The following LSG1 variants were observed in gnomAD, a reference collection of about 807,000 sequenced individuals.
The protein encoded by LSG1 is large subunit GTPase 1 homolog.
LSG1 carries 55 observed loss-of-function variants against 82.6 expected under a neutral mutation model. The ratio of observed to expected loss-of-function variants is 0.67; its 90% confidence interval spans 0.54 to 0.83. The LOEUF is 0.83. Ranked by LOEUF, LSG1 falls within the 40% of genes least tolerant of loss-of-function variation. The pLI, the probability that LSG1 is intolerant of heterozygous loss-of-function variation, is 0.00. For synonymous variants in LSG1, 272 were observed against 282.5 expected (o/e 0.96, Z 0.37); for missense variants, 809 against 807.9 (o/e 1.00, Z -0.02).
intron 7 of LSG1, among the ~76,000 whole-genome samples, chr3:194,656,793 A>G (rs1718798489): frequency 1.3e-5 from 2 of 152,298 alleles, no homozygotes; most frequent in South Asian, 4.1e-4. Flanking sequence ...TGTGGCACAT[A>G]TACACCATGG....
intron 12 of LSG1, 142 bp from the exon 13 acceptor site, chr3:194,644,888 C>A: frequency 1.9e-6 from 1 of 527,084 alleles, no homozygotes; most frequent in South Asian, 4.6e-5. Context: ...TCTACTGCAG[C>A]TGAAGAGTCC....
chr3:194,660,860 T>C (rs1031472561), intron 5 of LSG1: 3 of 456,256 alleles, frequency 6.6e-6, no homozygotes, highest in Non-Finnish European at 1.3e-5. Context: ...CCCTCACAAA[T>C]ATAGTGGGGA....
chr3:194,645,575 GACACACACACACACACACAC>G (rs57272537), intron 12 of LSG1, among the ~76,000 whole-genome samples: 8 of 20,128 alleles, frequency 4.0e-4, no homozygotes, highest in African/African-American at 6.3e-4. Flanking sequence ...CACACAGACA[GACACACACACACACACACAC>G]ACACACACAC....
intron 8 of LSG1, 72 bp from the exon 9 acceptor site, chr3:194,651,288 A>G: frequency 2.9e-6 from 3 of 1,043,564 alleles, no homozygotes; most frequent in Non-Finnish European, 4.5e-6. Context: ...TATGACATAG[A>G]TGGTGGCAAG....
chr3:194,668,176 T>C (rs768492948), intron 2 of LSG1, among the ~76,000 whole-genome samples: 4 of 151,976 alleles, frequency 2.6e-5, no homozygotes, highest in Non-Finnish European at 4.4e-5. Flanking sequence ...TCTGTAGATT[T>C]GCCTCTTTAG....
Position 194,672,138 on chromosome 3 carries a change from C to T in LSG1, c.25G>A (p.Gly9Ser), listed in dbSNP as rs748869283. 25 of 1,605,328 alleles carry T rather than the reference C, an allele frequency of 1.6e-5. No homozygotes were observed. The East Asian group carries it at 4.7e-4, about 30-fold the overall frequency. Residue 9 changes from glycine (G) to serine (S), a missense_variant, in exon 1 of 14, where the codon GGT becomes AGT. Transcript: ENST00000265245. The part of the protein sequence containing the change: MGRRRAPA[G>S]GSLGRALMRH... Reference sequence around the variant, plus strand: ...ATAAGGGCCCGTCCCAGCGACCCACCGGCCGGGGCTCTCCTCCGGCCCATG... The same window carrying T: ...ATAAGGGCCCGTCCCAGCGACCCACTGGCCGGGGCTCTCCTCCGGCCCATG...
At chr3:194,670,224 G>A in intron 1 of LSG1, 89 bp from the exon 2 acceptor site, 1 of 1,398,630 alleles carries the variant, frequency 7.1e-7, no homozygotes, top group Non-Finnish European at 1.0e-6. Context: ...ACTAGTCTAT[G>A]GTCTTGAGGG....
chr3:194,649,090 T>G (rs1718616682), intron 10 of LSG1: 7 of 283,648 alleles, frequency 2.5e-5, no homozygotes, highest in Non-Finnish European at 4.6e-5. Context: ...CTGAAAAGAT[T>G]ACGCATTTGT....
intron 7 of LSG1, among the ~76,000 whole-genome samples, chr3:194,654,812 C>T (rs73200506): frequency 0.055 from 8,367 of 152,178 alleles, 285 homozygotes; most frequent in Non-Finnish European, 0.08. Context: ...GTCAAGCTTT[C>T]GGGGAACACA....
At chr3:194,658,009 T>C (rs1279905621) in intron 7 of LSG1, among the ~76,000 whole-genome samples, 1 of 152,098 alleles carries the variant, frequency 6.6e-6, no homozygotes, top group Non-Finnish European at 1.5e-5. Flanking sequence ...GTTGTATTCA[T>C]AACCCAGCTC....
At position 194,651,425 on chromosome 3, in the gene LSG1, G is replaced by A. The variant is rs997643746; in HGVS notation, c.1174-209C>T. The A allele has an allele frequency of 1.1e-5, 6 of 568,584 alleles. No homozygotes were observed. The Admixed American group carries it at 1.3e-4, about 12-fold the overall frequency. The allele number at this position is 568,584 out of a possible 1,614,324, so 35.2% of individuals were successfully genotyped here. A position where few individuals can be genotyped will look rare whatever the true frequency, so the allele number is the denominator to read the frequency against. On this transcript the variant is annotated intron_variant, in intron 8 of 13. Coordinates refer to ENST00000265245, the MANE Select transcript of LSG1 (RefSeq NM_018385.3). ...CACATCTCCAGTGACAAATGGCCAA[G>A]TTATGCACATTTTAATATTATATGT...
chr3:194,670,044 G>C lies in LSG1; in HGVS notation c.191C>G (p.Ala64Gly). ...CTCTGTTCCTGCAAGTTCTGCAGTA[G>C]CAAGGAAGTCATCAAGGGAGCTCTG... ...TEQSSLDDFL[A>G]TAELAGTEFV... is the part of the protein sequence containing the mutation. Residue 64 changes from alanine (A) to glycine (G), a missense_variant, in exon 2 of 14, where the codon GCT becomes GGT. Physicochemically the swap from Ala to Gly is moderately conservative, Grantham distance 60 (BLOSUM62 0). Coordinates refer to ENST00000265245, the MANE Select transcript of LSG1 (RefSeq NM_018385.3). 1 of 1,614,084 alleles carries C rather than the reference G, an allele frequency of 6.2e-7. No homozygotes were observed. Among genetic ancestry groups the C allele is most frequent in the South Asian group, 1.1e-5 (1 of 91,086 alleles).
chr3:194,655,122 G>A lies in LSG1; in HGVS notation c.760-1980C>T, dbSNP rs953528698. On this transcript the variant is annotated intron_variant, in intron 7 of 13. Coordinates refer to ENST00000265245, the MANE Select transcript of LSG1 (RefSeq NM_018385.3). The stretch of plus-strand genomic sequence containing the variant: ...AGAAAACTTGGGAGAAGCAAATGGC[G>A]CCTCACTCTTAAAAAGGAGGAAAGA... Among the ~76,000 whole-genome samples the A allele has an allele frequency of 4.6e-5, 7 of 152,134 alleles. No homozygotes were observed. In the South Asian group the frequency reaches 8.3e-4, roughly 18 times the overall value.
chr3:194,666,132 G>A, intron 4 of LSG1, 71 bp downstream of exon 4: 3 of 1,275,978 alleles, frequency 2.4e-6, no homozygotes, highest in Non-Finnish European at 2.3e-6. Flanking sequence ...AACACAAATG[G>A]CTGTGTAAGC....
chr3:194,665,713 C>A, intron 4 of LSG1, 70 bp from the exon 5 acceptor site: 2 of 809,900 alleles, frequency 2.5e-6, no homozygotes, highest in South Asian at 3.1e-5. Flanking sequence ...TGTAAATGCT[C>A]AAATTTATTA....
In LSG1 at chr3:194,641,919, G is replaced by C; in HGVS notation, c.*149C>G. On this transcript the variant is annotated 3_prime_UTR_variant, in exon 14 of 14. Coordinates refer to ENST00000265245, the MANE Select transcript of LSG1 (RefSeq NM_018385.3). ...GTGTTTCCAGGAGGCCCTTGGTCTT[G>C]ACATGGAGACTGTTGGGTGCAGCCG... The C allele has an allele frequency of 3.9e-6, 3 of 767,868 alleles. No individual in the cohort carries two copies. The highest frequency in any genetic ancestry group is 2.4e-5 in the South Asian group (1 of 41,558). 47.6% of individuals were successfully genotyped at this position (767,868 alleles called of 1,614,324 possible).
intron 10 of LSG1, among the ~76,000 whole-genome samples, chr3:194,650,029 C>T (rs1028745175): frequency 3.9e-5 from 6 of 152,026 alleles, no homozygotes; most frequent in Non-Finnish European, 7.4e-5. Flanking sequence ...AAGAGATTAT[C>T]GTGCCTCAGC....
chr3:194,650,793 C>G, intron 10 of LSG1, 88 bp downstream of exon 10: 1 of 1,365,064 alleles, frequency 7.3e-7, no homozygotes. Context: ...AATTCTTCAT[C>G]AAATCTGAAT....
At position 194,644,731 on chromosome 3, in the gene LSG1, A is replaced by G; in HGVS notation, c.1639T>C (p.Cys547Arg). The G allele has an allele frequency of 6.2e-7, 1 of 1,605,754 alleles. No individual in the cohort carries two copies. Among genetic ancestry groups the G allele is most frequent in the Non-Finnish European group, 8.5e-7 (1 of 1,175,484 alleles). The change falls in exon 13 of 14, where the codon TGC becomes CGC. Residue 547 changes from cysteine (C) to arginine (R), a missense_variant. Cys to Arg is a radical substitution (Grantham distance 180, BLOSUM62 -3). Coordinates refer to ENST00000265245, the MANE Select transcript of LSG1 (RefSeq NM_018385.3). ...KDYVSGKLLY[C>R]HPPPGRDPVT... ...GGATCTCTTCCAGGAGGAGGATGGC[A>G]GTACAGCAGCTTACCCTACAAAGAC...
Sources: allele counts gnomAD v4.1 joint callset (sites outside exome capture counted in the v4.1 genomes callset), GRCh38; gene constraint gnomAD v4.1.1; transcripts MANE v1.5; gene names NCBI Gene and HGNC (gene_info 2026-07-23, HGNC 2026-07-21).